Variants in ECE1 observed in about 807,000 individuals in gnomAD.
ECE1 encodes endothelin converting enzyme 1, also known as endothelin-converting enzyme 1.
A neutral mutation model predicts 98.6 loss-of-function variants in ECE1; 35 were observed. That is an observed-to-expected ratio of 0.35 (90% CI 0.27 to 0.47). The LOEUF (loss-of-function observed/expected upper bound fraction) is 0.47, where lower values mean the gene tolerates loss of function less well. ECE1 is among the 20% of genes least tolerant of loss of function. The pLI is 1.00. For synonymous variants in ECE1, 394 were observed against 407.1 expected (o/e 0.97, Z 0.39); for missense variants, 814 against 1,025.3 (o/e 0.79, Z 2.81).
At chr1:21,293,314 G>C (rs1558419120), upstream of ECE1, 1 of 152,052 alleles carries the variant, frequency 6.6e-6, no homozygotes, top group African/African-American at 2.4e-5. Flanking sequence ...ACAGCATTTG[G>C]TCCCTGGCTC....
In ECE1 at chr1:21,225,229, T is replaced by C. The variant is rs556886423; in HGVS notation, c.2040+21A>G. 7.4e-6 allele frequency: 12 copies of C among 1,613,528 alleles called. No individual in the cohort carries two copies. In the South Asian group the frequency reaches 1.1e-4, roughly 15 times the overall value. On this transcript the variant is annotated intron_variant, in intron 17 of 18. Transcript: ENST00000374893. This position sits in a 1 kb window ranked among gnomAD's most constrained non-coding sequence, Gnocchi z 5.3. ...GGAGCCAGCACTGGGACCGTGCGCGTGTGGGGAGCGGGGCTCTCACCCGAT... is the reference window on the plus strand; with the variant it reads ...GGAGCCAGCACTGGGACCGTGCGCGCGTGGGGAGCGGGGCTCTCACCCGAT...
intron 1 of ECE1, among the ~76,000 whole-genome samples, chr1:21,297,445 C>T (rs1558421002): frequency 6.6e-6 from 1 of 152,146 alleles, no homozygotes; most frequent in Non-Finnish European, 1.5e-5. Context: ...CCGGTGACCC[C>T]CTGACCCCCT....
intron 1 of ECE1, among the ~76,000 whole-genome samples, chr1:21,297,504 C>T (rs533133446): frequency 6.6e-6 from 1 of 151,502 alleles, no homozygotes; most frequent in South Asian, 2.1e-4. Context: ...TGGCTAGCTC[C>T]TGGCAGAACT....
chr1:21,316,272 G>T (rs577464531), intron 1 of ECE1, among the ~76,000 whole-genome samples: 80 of 152,212 alleles, frequency 5.3e-4, no homozygotes, highest in Non-Finnish European at 9.9e-4. Flanking sequence ...TTTTTTGTTT[G>T]TTTGTTTGTT....
At chr1:21,287,532 A>G (rs570693513) in intron 2 of ECE1, among the ~76,000 whole-genome samples, 167 of 152,336 alleles carry the variant, frequency 1.1e-3, no homozygotes, top group African/African-American at 3.9e-3. Context: ...TCTCAAAATA[A>G]ATAAATAAAT....
chr1:21,345,204 G>T lies in ECE1; in HGVS notation c.3+172C>A. The T allele has an allele frequency of 2.2e-6, 2 of 898,388 alleles. No homozygotes were observed. The highest frequency in any genetic ancestry group is 2.8e-6 in the Non-Finnish European group (2 of 711,704). The allele number at this position is 898,388 out of a possible 1,614,324, so 55.7% of individuals were successfully genotyped here. On this transcript the variant is annotated intron_variant, in intron 1 of 18. Coordinates refer to the ECE1 transcript ENST00000415912. This position sits in a 1 kb window ranked among gnomAD's most constrained non-coding sequence, Gnocchi z 5.1. Reference sequence around the variant, plus strand: ...AGCGCCGCCGGGAGAGCCGCGCTCTGCCCGGGCGCTCCCCGACTCCACGCC... The same window carrying T: ...AGCGCCGCCGGGAGAGCCGCGCTCTTCCCGGGCGCTCCCCGACTCCACGCC...
chr1:21,310,474 T>C (rs1426099192), intron 1 of ECE1, among the ~76,000 whole-genome samples: 1 of 152,184 alleles, frequency 6.6e-6, no homozygotes, highest in Non-Finnish European at 1.5e-5. Context: ...GACAGCCTGG[T>C]TAATCGGCTA....
At position 21,234,919 on chromosome 1, in the gene ECE1, A is replaced by G. The variant is rs765893399; in HGVS notation, c.1566+931T>C. 1.3e-5 allele frequency among the ~76,000 whole-genome samples: 2 copies of G among 152,228 alleles called. 1 individual carries two copies. The highest frequency in any genetic ancestry group is 2.9e-5 in the Non-Finnish European group (2 of 68,030). The stretch of plus-strand genomic sequence containing the variant: ...GTCATGACACTCTGGAGCATCTTAA[A>G]TGATTCTCAAGGAAAAGGCAGCAGA... On this transcript the variant is annotated intron_variant, in intron 13 of 18. Coordinates refer to ENST00000374893, the MANE Select transcript of ECE1 (RefSeq NM_001397.3).
At chr1:21,253,747 C>G (rs1292367240) in intron 8 of ECE1, among the ~76,000 whole-genome samples, 19 of 122,412 alleles carry the variant, frequency 1.6e-4, no homozygotes, top group Non-Finnish European at 2.5e-4. Context: ...TGGGCGAGAG[C>G]GCGAGACTCT....
chr1:21,231,743 C>T (rs530161607), intron 14 of ECE1, among the ~76,000 whole-genome samples: 2 of 152,322 alleles, frequency 1.3e-5, no homozygotes, highest in African/African-American at 4.8e-5. Flanking sequence ...CAACCTCAAC[C>T]TCCTGGGCTC....
chr1:21,291,550 C>G (rs1432618837), upstream of ECE1, among the ~76,000 whole-genome samples: 4 of 152,172 alleles, frequency 2.6e-5, no homozygotes, highest in Non-Finnish European at 5.9e-5. Flanking sequence ...GGCCAGGCAC[C>G]ATGGCTCGCT....
rs552609558 is a variant in ECE1, at chr1:21,225,556, C to G, written c.1850-116G>C. 8.1e-7 allele frequency: 1 copy of G among 1,230,724 alleles called. No individual in the cohort carries two copies. Among genetic ancestry groups the G allele is most frequent in the Non-Finnish European group, 1.1e-6 (1 of 879,416 alleles). 76.2% of individuals were successfully genotyped at this position (1,230,724 alleles called of 1,614,324 possible). On this transcript the variant is annotated intron_variant, in intron 16 of 18. Coordinates refer to ENST00000374893, the MANE Select transcript of ECE1 (RefSeq NM_001397.3). This position sits in a 1 kb window ranked among gnomAD's most constrained non-coding sequence, Gnocchi z 5.3. ...TCCGTCCACCCCCGTCCTCCAGCCACCATGGGGAGACGAGGTCCCTGTGAG... is the reference window on the plus strand; with the variant it reads ...TCCGTCCACCCCCGTCCTCCAGCCAGCATGGGGAGACGAGGTCCCTGTGAG...
intron 1 of ECE1, among the ~76,000 whole-genome samples, chr1:21,329,284 C>T (rs780563564): frequency 1.3e-5 from 2 of 152,158 alleles, no homozygotes; most frequent in African/African-American, 2.4e-5. Context: ...TGCACATGTC[C>T]GTTGAGAAGC....
chr1:21,325,292 T>C (rs1170583276), intron 1 of ECE1, among the ~76,000 whole-genome samples: 1 of 152,218 alleles, frequency 6.6e-6, no homozygotes, highest in Non-Finnish European at 1.5e-5. Flanking sequence ...TCAAGGCAGG[T>C]GCCAGGACAA....
intron 2 of ECE1, among the ~76,000 whole-genome samples, chr1:21,283,461 G>C (rs1558412594): frequency 6.6e-6 from 1 of 152,122 alleles, no homozygotes. Context: ...AGTAGAGACA[G>C]GGTTTCACCA....
At chr1:21,335,081 A>C (rs1003822758) in intron 1 of ECE1, among the ~76,000 whole-genome samples, 10 of 149,042 alleles carry the variant, frequency 6.7e-5, no homozygotes, top group South Asian at 2.2e-4. Context: ...CCTTCCCTCC[A>C]CCCTCCACTG....
At position 21,322,021 on chromosome 1, in the gene ECE1, G is replaced by A. The variant is rs138135329; in HGVS notation, c.3+23355C>T. Among the ~76,000 whole-genome samples, 81 of 152,258 alleles carry A rather than the reference G, an allele frequency of 5.3e-4. 1 individual carries two copies. Among genetic ancestry groups the A allele is most frequent in the East Asian group, 4.6e-3 (24 of 5,178 alleles). On this transcript the variant is annotated intron_variant, in intron 1 of 18. Coordinates refer to the ECE1 transcript ENST00000415912. The surrounding 1 kb of genome is among the most constrained non-coding windows in gnomAD (Gnocchi z 4.1). ...GCCAGTTGGTGTGATTCCCAGGTCC[G>A]AATGAAACAGAGCTGCGTCCCCGGC...
rs142137163 is a variant in ECE1, at chr1:21,322,270, C to T, written c.3+23106G>A. 9.2e-4 allele frequency among the ~76,000 whole-genome samples: 140 copies of T among 152,260 alleles called. No individual in the cohort carries two copies. Among genetic ancestry groups the T allele is most frequent in the African/African-American group, 3.1e-3 (127 of 41,558 alleles). ...AAAACCAGGAGACCCCACACCCCAC[C>T]TGAGCCCGGAGTGCAGCTCCCTCCC... is the stretch of plus-strand genomic sequence containing the variant. On this transcript the variant is annotated intron_variant, in intron 1 of 18. Transcript: ENST00000415912. The surrounding 1 kb of genome is among the most constrained non-coding windows in gnomAD (Gnocchi z 4.1).
rs556687423 is a variant in ECE1 at position 21,326,823 on chromosome 1, G to A, written c.3+18553C>T. ...GGGGAAGCAGCTCCCCGCTGCTGGG[G>A]AGACCCCACTGAGCACAGAGAGGGT... On this transcript the variant is annotated intron_variant, in intron 1 of 18. Transcript: ENST00000415912. 9.2e-5 allele frequency among the ~76,000 whole-genome samples: 14 copies of A among 152,222 alleles called. No individual in the cohort carries two copies. In the East Asian group the frequency reaches 2.7e-3, roughly 30 times the overall value.
Sources: gnomAD v4.1 joint callset for allele counts (sites outside exome capture counted in the v4.1 genomes callset) on GRCh38, gnomAD v4.1.1 for gene constraint, Gnocchi (gnomAD v3.1) non-coding constraint, MANE v1.5 for transcripts, NCBI Gene and HGNC (gene_info 2026-07-23, HGNC 2026-07-21) for gene names.